STX8: variants seen among roughly 807,000 people sequenced by gnomAD.
STX8 encodes syntaxin-8.
A neutral mutation model predicts 37.5 loss-of-function variants in STX8; 23 were observed. The observed-to-expected ratio is 0.61, with a 90% CI of 0.44 to 0.87. STX8 has a LOEUF of 0.87. Ranked by LOEUF, STX8 falls within the 40% of genes least tolerant of loss-of-function variation. STX8 has a pLI of 0.00. For synonymous variants in STX8, 115 were observed against 99.1 expected, an observed-to-expected ratio of 1.16 and a Z score of -0.95; for missense variants, 313 against 284.7, an observed-to-expected ratio of 1.10 and a Z score of -0.71.
rs909198400 is a variant in STX8 at position 9,441,079 on chromosome 17, C to T, written c.541+50750G>A. ...TGGAGTTAACATTTCAAACTCAGGC[C>T]AAATGAGAGGCGTGAAGATGTACTC... On this transcript the variant is annotated intron_variant, in intron 6 of 7. Transcript: ENST00000306357. Among the ~76,000 whole-genome samples, 3 of 152,104 alleles carry T rather than the reference C, an allele frequency of 2.0e-5. No homozygotes were observed. The East Asian group carries it at 5.8e-4, about 29-fold the overall frequency.
chr17:9,511,150 A>G (rs182100329), intron 4 of STX8, among the ~76,000 whole-genome samples: 1 of 152,228 alleles, frequency 6.6e-6, no homozygotes, highest in African/African-American at 2.4e-5. Flanking sequence ...TCCAGGACTG[A>G]ATGGCTTTCA....
At chr17:9,300,830 C>CTTTTTTTTTTTTT (rs1164799565) in intron 7 of STX8, among the ~76,000 whole-genome samples, 49 of 90,900 alleles carry the variant, frequency 5.4e-4, no homozygotes, top group East Asian at 9.9e-4. Flanking sequence ...TTATTTTGTT[C>CTTTTTTTTTTTTT]TTTTTTTTTT....
chr17:9,383,177 G>A (rs1911878971), intron 6 of STX8, among the ~76,000 whole-genome samples: 2 of 152,198 alleles, frequency 1.3e-5, no homozygotes, highest in Admixed American at 6.5e-5. Context: ...CCACAACGGT[G>A]AGAATTTCTA....
chr17:9,497,435 C>T (rs1286837598), intron 5 of STX8, among the ~76,000 whole-genome samples: 3 of 152,128 alleles, frequency 2.0e-5, no homozygotes. Context: ...CAAATATCCA[C>T]TGATGAAATG....
chr17:9,491,723 T>C, intron 6 of STX8, 106 bp downstream of exon 6: 1 of 981,132 alleles, frequency 1.0e-6, no homozygotes, highest in Non-Finnish European at 1.5e-6. Context: ...ATCATTGACA[T>C]TAAACCACTT....
intron 4 of STX8, among the ~76,000 whole-genome samples, chr17:9,517,149 T>TCACTCCTTCACCC (rs1256403486): frequency 6.6e-6 from 1 of 152,186 alleles, no homozygotes; most frequent in Non-Finnish European, 1.5e-5. Context: ...TCTGTCTCTG[T>TCACTCCTTCACCC]CACTCCTTCA....
At chr17:9,356,901 A>G (rs1187072544) in intron 7 of STX8, among the ~76,000 whole-genome samples, 1 of 150,794 alleles carries the variant, frequency 6.6e-6, no homozygotes. Context: ...TGCTTCACAC[A>G]AGGACTAATT....
At chr17:9,545,144 G>T in intron 4 of STX8, 28 bp downstream of exon 4, 1 of 1,522,164 alleles carries the variant, frequency 6.6e-7, no homozygotes, top group Non-Finnish European at 9.1e-7. Context: ...CGCCCACCAA[G>T]TAATCCCTGT....
intron 6 of STX8, among the ~76,000 whole-genome samples, chr17:9,447,613 G>A (rs1170887318): frequency 6.6e-6 from 1 of 151,822 alleles, no homozygotes; most frequent in African/African-American, 2.4e-5. Flanking sequence ...AGTAGAGATG[G>A]GGTTTCATCA....
chr17:9,419,489 C>T (rs1190245993), intron 6 of STX8, among the ~76,000 whole-genome samples: 1 of 152,150 alleles, frequency 6.6e-6, no homozygotes, highest in Non-Finnish European at 1.5e-5. Context: ...CCAGAAAATA[C>T]ATGGAACCAG....
intron 6 of STX8, among the ~76,000 whole-genome samples, chr17:9,433,705 C>T (rs577800741): frequency 7.5e-5 from 11 of 146,036 alleles, no homozygotes; most frequent in East Asian, 2.2e-4. Context: ...GATATTAAAA[C>T]GGGGGAAGGG....
At chr17:9,465,676 G>A (rs953169042) in intron 6 of STX8, among the ~76,000 whole-genome samples, 4 of 152,144 alleles carry the variant, frequency 2.6e-5, no homozygotes, top group African/African-American at 9.7e-5. Flanking sequence ...ATGAAAAACT[G>A]AACAGCGCTA....
intron 6 of STX8, among the ~76,000 whole-genome samples, chr17:9,450,128 G>C (rs566939205): frequency 5.9e-5 from 9 of 151,840 alleles, no homozygotes; most frequent in Admixed American, 5.9e-4. Flanking sequence ...ATCCAGGCTA[G>C]AGTGCAGTGG....
chr17:9,412,093 G>A (rs1336707651), intron 6 of STX8, among the ~76,000 whole-genome samples: 1 of 152,168 alleles, frequency 6.6e-6, no homozygotes, highest in Non-Finnish European at 1.5e-5. Context: ...CAGTCAACTT[G>A]AGTTGACGGA....
chr17:9,292,647 C>A (rs957402921), intron 7 of STX8, among the ~76,000 whole-genome samples: 25 of 152,118 alleles, frequency 1.6e-4, no homozygotes, highest in African/African-American at 5.3e-4. Flanking sequence ...AAAAAGAATC[C>A]CCTTTCTTTA....
At chr17:9,443,704 G>C (rs1904742198) in intron 6 of STX8, among the ~76,000 whole-genome samples, 1 of 151,884 alleles carries the variant, frequency 6.6e-6, no homozygotes, top group African/African-American at 2.4e-5. Flanking sequence ...ATTTCTACTG[G>C]CTCCTCTGTG....
intron 6 of STX8, among the ~76,000 whole-genome samples, chr17:9,480,874 A>ATTTC (rs1035617720): frequency 1.3e-4 from 20 of 151,134 alleles, no homozygotes; most frequent in African/African-American, 2.9e-4. Flanking sequence ...TCCTATGCCA[A>ATTTC]TTTCTTTCTT....
In STX8 at chr17:9,312,168, T is replaced by C. The variant is rs544562097; in HGVS notation, c.644-61523A>G. On this transcript the variant is annotated intron_variant, in intron 7 of 7. Coordinates refer to ENST00000306357, the MANE Select transcript of STX8 (RefSeq NM_004853.3). ...CTTCGTTAAATTCTTATTAAACACATAAAAAAACCTATATAAGCATGAGAC... is the reference window on the plus strand; with the variant it reads ...CTTCGTTAAATTCTTATTAAACACACAAAAAAACCTATATAAGCATGAGAC... Among the ~76,000 whole-genome samples the C allele has an allele frequency of 7.3e-5, 11 of 150,908 alleles. No individual in the cohort carries two copies. The South Asian group carries it at 2.3e-3, about 32-fold the overall frequency.
At chr17:9,490,722 T>A (rs141715409) in intron 6 of STX8, among the ~76,000 whole-genome samples, 1 of 152,202 alleles carries the variant, frequency 6.6e-6, no homozygotes, top group African/African-American at 2.4e-5. Flanking sequence ...AAACCTTAGA[T>A]AGAATACTTT....
Sources: allele counts gnomAD v4.1 joint callset (sites outside exome capture counted in the v4.1 genomes callset), GRCh38; gene constraint gnomAD v4.1.1; transcripts MANE v1.5; gene names NCBI Gene and HGNC (gene_info 2026-07-23, HGNC 2026-07-21).